The following KCNAB2 variants were observed in gnomAD, a reference collection of about 807,000 sequenced individuals.
KCNAB2 encodes voltage-gated potassium channel subunit beta-2.
Under a neutral mutation model 63.6 loss-of-function variants are expected in KCNAB2, and 29 were observed. The ratio of observed to expected loss-of-function variants is 0.46; its 90% CI spans 0.34 to 0.62. KCNAB2 has a LOEUF of 0.62. Among genes scored for constraint, KCNAB2 ranks in the 20% least tolerant of loss-of-function variants. The pLI is 0.01. For missense variants in KCNAB2, 359 were observed against 563.9 expected, an observed-to-expected ratio of 0.64 and a Z score of 3.68; for synonymous variants, 222 against 224.2, an observed-to-expected ratio of 0.99 and a Z score of 0.09.
At chr1:6,039,683 A>G (rs1361351254) in intron 1 of KCNAB2, among the ~76,000 whole-genome samples, 1 of 152,092 alleles carries the variant, frequency 6.6e-6, no homozygotes, top group African/African-American at 2.4e-5. Flanking sequence ...GACTGGGCTC[A>G]CCTTGGAAAC....
At chr1:6,019,070 C>G (rs1231664421) in intron 1 of KCNAB2, among the ~76,000 whole-genome samples, 1 of 152,078 alleles carries the variant, frequency 6.6e-6, no homozygotes, top group East Asian at 1.9e-4. Flanking sequence ...GGCAAGAGGA[C>G]AGTGTAAGGC....
chr1:6,076,913 C>T (rs924746719), intron 4 of KCNAB2, among the ~76,000 whole-genome samples: 9 of 152,166 alleles, frequency 5.9e-5, no homozygotes, highest in Admixed American at 1.3e-4. Context: ...GGTCTAGGGG[C>T]GGTGGCTCAT....
chr1:6,004,948 G>GA (rs1657479050), intron 1 of KCNAB2, among the ~76,000 whole-genome samples: 1 of 138,136 alleles, frequency 7.2e-6, no homozygotes, highest in African/African-American at 2.5e-5. Flanking sequence ...GGGTGGAGTG[G>GA]GGGGATGTGG....
At chr1:6,085,337 C>T (rs1241205623) in intron 6 of KCNAB2, 89 bp downstream of exon 6, 6 of 1,136,248 alleles carry the variant, frequency 5.3e-6, no homozygotes, top group East Asian at 4.7e-5. Flanking sequence ...CGTGCAGTGT[C>T]GTAAGGCCCG....
At chr1:6,064,517 G>T (rs1204347596) in intron 2 of KCNAB2, among the ~76,000 whole-genome samples, 2 of 152,204 alleles carry the variant, frequency 1.3e-5, no homozygotes, top group African/African-American at 2.4e-5. Flanking sequence ...TTTGCTGCTG[G>T]TCACACCCTA....
In KCNAB2 at chr1:6,085,193, T is replaced by C; in HGVS notation, c.381-11T>C. The stretch of plus-strand genomic sequence containing the variant: ...TTGGCTGTGATGAGAGCTCGGTGTC[T>C]TGTTTTGCAGGGCTGAAGTGGTACT... On this transcript the variant is annotated splice_polypyrimidine_tract_variant and intron_variant, in intron 5 of 15. Transcript: ENST00000378083. 1.2e-6 allele frequency: 2 copies of C among 1,613,962 alleles called. No individual in the cohort carries two copies. Among genetic ancestry groups the C allele is most frequent in the East Asian group, 2.2e-5 (1 of 44,882 alleles).
chr1:6,043,969 A>G (rs3789562), upstream of KCNAB2, among the ~76,000 whole-genome samples: 7,433 of 152,256 alleles, frequency 0.049, 338 homozygotes, highest in East Asian at 0.14. Context: ...TTGGATCCCC[A>G]TGTCCTCCAT....
chr1:6,004,578 C>T (rs927676057), intron 1 of KCNAB2, among the ~76,000 whole-genome samples: 75 of 151,304 alleles, frequency 5.0e-4, no homozygotes, highest in Non-Finnish European at 6.3e-4. Context: ...TGTAGAAACA[C>T]CCCCCCGAGA....
Position 6,088,990 on chromosome 1 carries a change from G to T in KCNAB2, c.471-18G>T, listed in dbSNP as rs376370595. 3 of 1,548,740 alleles carry T rather than the reference G, an allele frequency of 1.9e-6. No homozygotes were observed. The highest frequency in any genetic ancestry group is 2.4e-5 in the South Asian group (2 of 83,768). On this transcript the variant is annotated intron_variant, in intron 7 of 15. Coordinates refer to ENST00000378083, the MANE Select transcript of KCNAB2 (RefSeq NM_001199862.2). ...CAAAACCGCTGGTGACATCACACGCGGTCGGCCTGTTTTCCAGGGCGGAGA... is the reference window on the plus strand; with the variant it reads ...CAAAACCGCTGGTGACATCACACGCTGTCGGCCTGTTTTCCAGGGCGGAGA...
chr1:6,016,801 C>T (rs563782158), intron 1 of KCNAB2, among the ~76,000 whole-genome samples: 6 of 152,230 alleles, frequency 3.9e-5, no homozygotes, highest in African/African-American at 1.4e-4. Context: ...GGACCTGCTG[C>T]ATCTGATCCT....
At chr1:6,057,647 G>A (rs1661952753) in intron 2 of KCNAB2, among the ~76,000 whole-genome samples, 1 of 152,190 alleles carries the variant, frequency 6.6e-6, no homozygotes, top group East Asian at 1.9e-4. Flanking sequence ...AGTTCTGGGA[G>A]GTGAAAGTCC....
intron 1 of KCNAB2, among the ~76,000 whole-genome samples, chr1:6,023,321 T>C (rs1199816925): frequency 6.6e-6 from 1 of 152,218 alleles, no homozygotes; most frequent in Non-Finnish European, 1.5e-5. Context: ...TCCCCAGAAG[T>C]GGAATTGCTA....
intron 2 of KCNAB2, 99 bp downstream of exon 2, chr1:6,051,853 C>T: frequency 7.5e-7 from 1 of 1,341,638 alleles, no homozygotes; most frequent in African/African-American, 1.5e-5. Context: ...CCTGTAATCC[C>T]AGCACTTGGG....
At chr1:6,032,377 G>A (rs186815987), upstream of KCNAB2, among the ~76,000 whole-genome samples, 31 of 152,242 alleles carry the variant, frequency 2.0e-4, no homozygotes, top group African/African-American at 7.2e-4. Flanking sequence ...TCAAGAGATT[G>A]AGACCATCCT....
intron 1 of KCNAB2, among the ~76,000 whole-genome samples, chr1:6,016,586 C>A (rs1658514053): frequency 6.6e-6 from 1 of 152,210 alleles, no homozygotes; most frequent in African/African-American, 2.4e-5. Flanking sequence ...AGGCGTCTAC[C>A]AGAAAACAGT....
chr1:6,006,939 A>C (rs1050206182), intron 1 of KCNAB2, among the ~76,000 whole-genome samples: 2 of 152,062 alleles, frequency 1.3e-5, no homozygotes, highest in African/African-American at 2.4e-5. Context: ...TAAGATGAGC[A>C]CTGGGTTCTG....
chr1:6,023,867 G>A (rs1296775504), intron 1 of KCNAB2, among the ~76,000 whole-genome samples: 1 of 151,980 alleles, frequency 6.6e-6, no homozygotes, highest in Non-Finnish European at 1.5e-5. Context: ...CAAACTCCTG[G>A]GTTCAAGGGA....
intron 1 of KCNAB2, among the ~76,000 whole-genome samples, chr1:6,020,671 A>G (rs992885876): frequency 2.0e-5 from 3 of 152,124 alleles, no homozygotes; most frequent in African/African-American, 7.2e-5. Flanking sequence ...TATTTTTATT[A>G]TTTATTTATT....
At position 6,069,966 on chromosome 1, in the gene KCNAB2, G is replaced by A. The variant is rs1254869967; in HGVS notation, c.219-2789G>A. Among the ~76,000 whole-genome samples the A allele has an allele frequency of 6.6e-6, 1 of 152,180 alleles. No homozygotes were observed. The highest frequency in any genetic ancestry group is 2.4e-5 in the African/African-American group (1 of 41,448). ...CAGACCAGGAACAGATATGGAATCA[G>A]GGGCAGGGGCACCTTTTGCCAGCCC... On this transcript the variant is annotated intron_variant, in intron 2 of 15. Transcript: ENST00000378083. The surrounding 1 kb of genome is among the most constrained non-coding windows in gnomAD (Gnocchi z 5.4).
Sources: gnomAD v4.1 joint callset for allele counts (sites outside exome capture counted in the v4.1 genomes callset) on GRCh38, gnomAD v4.1.1 for gene constraint, Gnocchi (gnomAD v3.1) non-coding constraint, MANE v1.5 for transcripts, NCBI Gene and HGNC (gene_info 2026-07-23, HGNC 2026-07-21) for gene names.